LRBA: variants seen among roughly 807,000 people sequenced by gnomAD.
The protein encoded by LRBA is LPS responsive beige-like anchor protein, also known as lipopolysaccharide-responsive and beige-like anchor protein.
LRBA carries 176 observed loss-of-function variants against 330.0 expected under a neutral mutation model. That is an observed-to-expected ratio of 0.53 (90% CI 0.47 to 0.60). LRBA has a LOEUF of 0.60. Among genes scored for constraint, LRBA ranks in the 20% least tolerant of loss-of-function variants. The probability of loss-of-function intolerance (pLI) is 0.00; values close to 1 mark genes in which losing one functional copy is unlikely to be tolerated. For missense variants in LRBA, 3,259 were observed against 3,444.8 expected (o/e 0.95, Z 1.35); for synonymous variants, 1,230 against 1,193.0 (o/e 1.03, Z -0.64).
intron 40 of LRBA, chr4:150,581,763 A>G (rs1771376098): frequency 6.5e-6 from 1 of 152,804 alleles, no homozygotes. Flanking sequence ...TTCTTTATCA[A>G]GTGCAGTGGT....
chr4:150,318,813 C>T (rs558486867), intron 50 of LRBA, among the ~76,000 whole-genome samples: 2 of 152,092 alleles, frequency 1.3e-5, no homozygotes, highest in Non-Finnish European at 2.9e-5. Flanking sequence ...GTTATAGACA[C>T]AATGAAAGCT....
intron 40 of LRBA, among the ~76,000 whole-genome samples, chr4:150,550,427 G>A (rs1021490347): frequency 2.0e-5 from 3 of 152,068 alleles, no homozygotes; most frequent in Admixed American, 1.3e-4. Context: ...TCTTAAAAAT[G>A]ATTTAATTAT....
intron 35 of LRBA, among the ~76,000 whole-genome samples, chr4:150,742,147 A>ATAT (rs1282103533): frequency 7.1e-6 from 1 of 140,248 alleles, no homozygotes; most frequent in African/African-American, 2.9e-5. Context: ...TATTATTATT[A>ATAT]TTATTTTTTT....
At chr4:150,765,251 A>G (rs145351139) in intron 34 of LRBA, among the ~76,000 whole-genome samples, 14 of 152,190 alleles carry the variant, frequency 9.2e-5, no homozygotes, top group African/African-American at 3.4e-4. Flanking sequence ...ATCCGTGTTT[A>G]TAGGGGTTAG....
chr4:150,535,374 G>A (rs1764538746), intron 40 of LRBA, among the ~76,000 whole-genome samples: 1 of 152,138 alleles, frequency 6.6e-6, no homozygotes, highest in African/African-American at 2.4e-5. Flanking sequence ...CTGGACTCAA[G>A]TGGTTCTCCC....
intron 40 of LRBA, among the ~76,000 whole-genome samples, chr4:150,551,168 C>T (rs764995557): frequency 1.3e-5 from 2 of 152,134 alleles, no homozygotes; most frequent in Non-Finnish European, 2.9e-5. Flanking sequence ...GTCTTCTGCC[C>T]TGGGATGACT....
intron 47 of LRBA, among the ~76,000 whole-genome samples, chr4:150,379,114 C>A (rs1019857369): frequency 2.0e-5 from 3 of 151,696 alleles, no homozygotes; most frequent in African/African-American, 7.2e-5. Context: ...ACCAGCCTGG[C>A]CAACATGGTG....
Position 150,671,035 on chromosome 4 carries a change from TGTGTGTGAGA to T in LRBA, c.5921+12506_5921+12515del, listed in dbSNP as rs1288451426. 1.0e-3 allele frequency among the ~76,000 whole-genome samples: 150 copies of T among 147,632 alleles called. 1 individual carries two copies. The highest frequency in any genetic ancestry group is 2.0e-3 in the African/African-American group (78 of 39,110). ...GTGTGTGTGTGTGTGTGTGTGTGTGTGTGTGTGAGAGAGAGAGAGAGAGAGAGACAGAGAG... is the reference window on the plus strand; with the variant it reads ...GTGTGTGTGTGTGTGTGTGTGTGTGTGAGAGAGAGAGAGAGAGACAGAGAG... On this transcript the variant is annotated intron_variant, in intron 37 of 56. Transcript: ENST00000651943.
At chr4:150,737,781 A>C (rs1358111222) in intron 35 of LRBA, among the ~76,000 whole-genome samples, 1 of 152,128 alleles carries the variant, frequency 6.6e-6, no homozygotes, top group Non-Finnish European at 1.5e-5. Context: ...AGAAGTTAGT[A>C]CCAGGATGAG....
chr4:150,983,074 T>C (rs1198219946), intron 2 of LRBA, among the ~76,000 whole-genome samples: 1 of 151,534 alleles, frequency 6.6e-6, no homozygotes, highest in African/African-American at 2.4e-5. Context: ...AGCAAGACCC[T>C]GTCTCAAAGA....
At chr4:150,611,688 C>T (rs1328619367) in intron 37 of LRBA, among the ~76,000 whole-genome samples, 1 of 152,072 alleles carries the variant, frequency 6.6e-6, no homozygotes, top group African/African-American at 2.4e-5. Context: ...GGCTCTATCG[C>T]TTTTCAATGT....
intron 44 of LRBA, among the ~76,000 whole-genome samples, chr4:150,447,947 C>T (rs1228285642): frequency 2.0e-5 from 3 of 152,152 alleles, no homozygotes; most frequent in African/African-American, 4.8e-5. Context: ...GATTTAACAA[C>T]ACGTGGAGGT....
In LRBA at chr4:150,265,747, T is replaced by C. The variant is rs1411005628; in HGVS notation, c.8534A>G (p.His2845Arg). The stretch of plus-strand genomic sequence containing the variant: ...TCAGTAGCGGGTTTGGTATTCATGA[T>C]GCCACCGGTTAAAGTCGTTGTAAAA... The part of the protein sequence containing the change: ...VLFYNDFNRW[H>R]HEYQTRY The change falls in exon 57 of 57, where the codon CAT becomes CGT. Residue 2845 changes from histidine (H) to arginine (R), a missense_variant. His to Arg is a conservative substitution (Grantham distance 29, BLOSUM62 0). Transcript: ENST00000651943. 12 of 1,613,680 alleles carry C rather than the reference T, an allele frequency of 7.4e-6. No individual in the cohort carries two copies. The highest frequency in any genetic ancestry group is 1.0e-5 in the Non-Finnish European group (12 of 1,179,578).
At chr4:150,288,514 GGGAGGTGGA>G (rs1245378724) in intron 53 of LRBA, among the ~76,000 whole-genome samples, 1 of 152,076 alleles carries the variant, frequency 6.6e-6, no homozygotes, top group Non-Finnish European at 1.5e-5. Flanking sequence ...GCTTGAACCT[GGGAGGTGGA>G]GGTTGCAGTG....
rs58652637 is a variant in LRBA at position 150,571,649 on chromosome 4, GTTTTTTTTTTT to G, written c.6330+16388_6330+16398del. The stretch of plus-strand genomic sequence containing the variant: ...GTATGCATTAACCTACTGGTTAGTT[GTTTTTTTTTTT>G]TTTTTTTTTTTTTTGAGAAATTTTC... On this transcript the variant is annotated intron_variant, in intron 40 of 56. Transcript: ENST00000651943. Among the ~76,000 whole-genome samples, 16 of 74,594 alleles carry G rather than the reference GTTTTTTTTTTT, an allele frequency of 2.1e-4. No individual in the cohort carries two copies. The East Asian group carries it at 2.3e-3, about 11-fold the overall frequency. 48.9% of individuals were successfully genotyped at this position (74,594 alleles called of 152,430 possible).
At chr4:150,315,324 T>C in intron 51 of LRBA, 1 of 579,362 alleles carries the variant, frequency 1.7e-6, no homozygotes, top group Non-Finnish European at 3.1e-6. Context: ...TATTACAGCA[T>C]CCATATTAAT....
Position 150,852,397 on chromosome 4 carries a change from C to G in LRBA, c.3313G>C (p.Glu1105Gln). 1 of 1,613,632 alleles carries G rather than the reference C, an allele frequency of 6.2e-7. No individual in the cohort carries two copies. The highest frequency in any genetic ancestry group is 8.5e-7 in the Non-Finnish European group (1 of 1,179,950). ...AGTTCCACATAATCATCATCTTCCT[C>G]TTCCTCTACTATAGATTTATCCAAG... is the stretch of plus-strand genomic sequence containing the variant. Reference protein sequence around the residue: ...EFLDKSIVEEEEDDDYVELKV... With the variant: ...EFLDKSIVEEQEDDDYVELKV... The change falls in exon 23 of 57, where the codon GAG (glutamate) becomes CAG (glutamine). Residue 1105 changes from glutamate to glutamine, a missense_variant. Glu to Gln is a conservative substitution (Grantham distance 29). Coordinates refer to ENST00000651943, the MANE Select transcript of LRBA (RefSeq NM_001364905.1).
rs181035195 is a variant in LRBA, at chr4:150,545,864, G to A, written c.6330+42184C>T. ...TAATCTTGGTCTTTGATTTTTGAGT[G>A]TTAAAAAACCAAACTTTTCCAAAAT... is the stretch of plus-strand genomic sequence containing the variant. On this transcript the variant is annotated intron_variant, in intron 40 of 56. Transcript: ENST00000651943. 4.3e-3 allele frequency among the ~76,000 whole-genome samples: 655 copies of A among 151,920 alleles called. 2 individuals are homozygous for A. Among genetic ancestry groups the A allele is most frequent in the Non-Finnish European group, 7.0e-3 (477 of 67,906 alleles).
chr4:150,958,964 C>T (rs1737845242), intron 2 of LRBA, among the ~76,000 whole-genome samples: 1 of 149,376 alleles, frequency 6.7e-6, no homozygotes, highest in Non-Finnish European at 1.5e-5. Flanking sequence ...ACTGTTCCAA[C>T]CTCTTCCTGT....
Sources: allele counts gnomAD v4.1 joint callset (sites outside exome capture counted in the v4.1 genomes callset), GRCh38; gene constraint gnomAD v4.1.1; transcripts MANE v1.5; gene names NCBI Gene and HGNC (gene_info 2026-07-23, HGNC 2026-07-21).